CFAP299: variants seen among roughly 807,000 people sequenced by gnomAD.
CFAP299 encodes cilia- and flagella-associated protein 299.
In CFAP299, 21 loss-of-function variants were observed where a neutral mutation model predicts 27.0. The observed-to-expected ratio is 0.78, with a 90% CI of 0.55 to 1.12. The LOEUF is 1.12. Ranked by LOEUF, CFAP299 falls within the 50% of genes most tolerant of loss-of-function variation. The probability of loss-of-function intolerance (pLI) is 0.00; values close to 1 mark genes in which losing one functional copy is unlikely to be tolerated. For synonymous variants in CFAP299, 104 were observed against 98.1 expected, an observed-to-expected ratio of 1.06 and a Z score of -0.36; for missense variants, 310 against 276.6, an observed-to-expected ratio of 1.12 and a Z score of -0.86.
chr4:80,611,076 T>A (rs1737949116), intron 3 of CFAP299, among the ~76,000 whole-genome samples: 1 of 152,076 alleles, frequency 6.6e-6, no homozygotes, highest in Non-Finnish European at 1.5e-5. Flanking sequence ...GTTATTCCTG[T>A]CAGACTTTTC....
intron 3 of CFAP299, among the ~76,000 whole-genome samples, chr4:80,641,481 G>A (rs1739724456): frequency 6.6e-6 from 1 of 152,302 alleles, no homozygotes; most frequent in Middle Eastern, 3.4e-3. Flanking sequence ...GGGATTACAG[G>A]CATGAGCCAC....
chr4:80,767,584 C>T (rs1469608778), intron 3 of CFAP299, among the ~76,000 whole-genome samples: 1 of 151,858 alleles, frequency 6.6e-6, no homozygotes, highest in African/African-American at 2.4e-5. Flanking sequence ...ACTCCAGCGT[C>T]GGCAACAGAG....
chr4:80,588,541 A>C (rs1207985033), intron 3 of CFAP299, among the ~76,000 whole-genome samples: 1 of 151,084 alleles, frequency 6.6e-6, no homozygotes, highest in East Asian at 1.9e-4. Context: ...TAGCCATTTG[A>C]ATTAAAATAA....
chr4:80,431,634 G>C (rs906778330), intron 2 of CFAP299, among the ~76,000 whole-genome samples: 1 of 151,994 alleles, frequency 6.6e-6, no homozygotes, highest in African/African-American at 2.4e-5. Flanking sequence ...CTAGCCCTCT[G>C]TTTGGATTGG....
At chr4:80,889,721 C>A (rs934719293) in intron 4 of CFAP299, among the ~76,000 whole-genome samples, 5 of 151,968 alleles carry the variant, frequency 3.3e-5, no homozygotes, top group African/African-American at 1.2e-4. Flanking sequence ...TACAAAAATT[C>A]TCAACAAAAT....
At chr4:80,877,793 G>A (rs1023756215) in intron 4 of CFAP299, among the ~76,000 whole-genome samples, 5 of 151,686 alleles carry the variant, frequency 3.3e-5, no homozygotes, top group Admixed American at 6.6e-5. Context: ...TTTAAGTTTT[G>A]GAAAAGTTCA....
At chr4:80,506,845 GGTTA>G (rs1225834916) in intron 2 of CFAP299, among the ~76,000 whole-genome samples, 3 of 152,072 alleles carry the variant, frequency 2.0e-5, no homozygotes, top group Non-Finnish European at 2.9e-5. Context: ...CTAGTTGTAA[GGTTA>G]GTTAAGTTTA....
At chr4:80,673,069 T>C (rs1741593872) in intron 3 of CFAP299, among the ~76,000 whole-genome samples, 2 of 151,952 alleles carry the variant, frequency 1.3e-5, no homozygotes, top group Non-Finnish European at 2.9e-5. Context: ...ATGTGTTTGC[T>C]CTTGCTTCTC....
chr4:80,571,705 T>A (rs1055831945), intron 2 of CFAP299, among the ~76,000 whole-genome samples: 1 of 151,814 alleles, frequency 6.6e-6, no homozygotes, highest in African/African-American at 2.4e-5. Flanking sequence ...GGTTGGGCCC[T>A]CATGATGGGA....
intron 2 of CFAP299, among the ~76,000 whole-genome samples, chr4:80,498,861 T>A (rs1437692522): frequency 6.6e-6 from 1 of 152,116 alleles, no homozygotes; most frequent in Non-Finnish European, 1.5e-5. Flanking sequence ...TCATCAATAG[T>A]GGACAGAATA....
At chr4:80,527,401 A>T (rs1201713621) in intron 2 of CFAP299, among the ~76,000 whole-genome samples, 2 of 152,100 alleles carry the variant, frequency 1.3e-5, no homozygotes, top group African/African-American at 2.4e-5. Context: ...ACGTTAGTTT[A>T]TGTAGGTATT....
At chr4:80,355,923 C>G (rs1421742137) in intron 1 of CFAP299, among the ~76,000 whole-genome samples, 2 of 152,098 alleles carry the variant, frequency 1.3e-5, no homozygotes, top group Non-Finnish European at 2.9e-5. Flanking sequence ...TGCCTATGTC[C>G]TGAATGGTAT....
intron 2 of CFAP299, chr4:80,386,375 C>T (rs1034717641): frequency 3.3e-6 from 5 of 1,507,708 alleles, no homozygotes; most frequent in Non-Finnish European, 3.6e-6. Flanking sequence ...GCGGCTTGCC[C>T]GGGACGGCCT....
intron 4 of CFAP299, among the ~76,000 whole-genome samples, chr4:80,906,675 G>A (rs1211091819): frequency 6.6e-6 from 1 of 152,144 alleles, no homozygotes; most frequent in South Asian, 2.1e-4. Flanking sequence ...GCCACCAAGG[G>A]TTGGGGCTTG....
chr4:80,692,563 T>A (rs1720792301), intron 3 of CFAP299, among the ~76,000 whole-genome samples: 1 of 152,116 alleles, frequency 6.6e-6, no homozygotes, highest in South Asian at 2.1e-4. Context: ...ATTAAAGACT[T>A]AAACGTTAGA....
chr4:80,885,606 A>G (rs1259662380), intron 4 of CFAP299, among the ~76,000 whole-genome samples: 1 of 152,120 alleles, frequency 6.6e-6, no homozygotes, highest in Non-Finnish European at 1.5e-5. Flanking sequence ...ACATTTCAAG[A>G]CACACCCTGG....
intron 3 of CFAP299, among the ~76,000 whole-genome samples, chr4:80,735,834 T>G (rs192929225): frequency 6.6e-6 from 1 of 152,324 alleles, no homozygotes; most frequent in African/African-American, 2.4e-5. Context: ...TGAATGCAGT[T>G]TGATAGTATT....
At chr4:80,614,180 C>A (rs192877116) in intron 3 of CFAP299, among the ~76,000 whole-genome samples, 35 of 152,260 alleles carry the variant, frequency 2.3e-4, no homozygotes, top group Non-Finnish European at 1.9e-4. Context: ...TGTCAGTTTG[C>A]ACTGAAATAA....
At chr4:80,608,400 G>T (rs1560653372) in intron 3 of CFAP299, 1 of 1,502,552 alleles carries the variant, frequency 6.7e-7, no homozygotes, top group South Asian at 1.2e-5. Context: ...ACTGCTTATG[G>T]AAAAGTTTCC....
Sources: allele counts gnomAD v4.1 joint callset (sites outside exome capture counted in the v4.1 genomes callset), GRCh38; gene constraint gnomAD v4.1.1; transcripts MANE v1.5; gene names NCBI Gene and HGNC (gene_info 2026-07-23, HGNC 2026-07-21).